Variants in NOL10 observed in about 807,000 individuals in gnomAD.
NOL10 encodes the protein nucleolar protein 10, also known as H_NH0074G24.1.
Under a neutral mutation model 103.5 loss-of-function variants are expected in NOL10, and 58 were observed. The ratio of observed to expected loss-of-function variants is 0.56; its 90% CI spans 0.45 to 0.70. The LOEUF (loss-of-function observed/expected upper bound fraction) is 0.70. Among genes scored for constraint, NOL10 ranks in the 30% least tolerant of loss-of-function variants. The pLI is 0.00. For missense variants in NOL10, 763 were observed against 807.3 expected, an observed-to-expected ratio of 0.95 and a Z score of 0.67; for synonymous variants, 287 against 282.5, an observed-to-expected ratio of 1.02 and a Z score of -0.16.
intron 20 of NOL10, among the ~76,000 whole-genome samples, chr2:10,573,063 C>A (rs1166436247): frequency 9.6e-5 from 14 of 145,638 alleles, no homozygotes; most frequent in African/African-American, 1.3e-4. Context: ...AGGTAAAGCT[C>A]AAAAAAAAAA....
chr2:10,664,232 A>G (rs566726737), intron 8 of NOL10, among the ~76,000 whole-genome samples: 1 of 152,054 alleles, frequency 6.6e-6, no homozygotes, highest in Admixed American at 6.5e-5. Flanking sequence ...GGAGTTCGAG[A>G]CCAGCCTGGC....
chr2:10,675,920 C>A, intron 3 of NOL10, 49 bp from the exon 4 acceptor site: 1 of 962,724 alleles, frequency 1.0e-6, no homozygotes, highest in South Asian at 1.6e-5. Flanking sequence ...CTTTCATAGT[C>A]AAAACATCCA....
chr2:10,653,210 A>C (rs918346143), intron 12 of NOL10, among the ~76,000 whole-genome samples: 2 of 151,530 alleles, frequency 1.3e-5, no homozygotes, highest in African/African-American at 4.9e-5. Flanking sequence ...AAAAAAAAAA[A>C]CCACACATTT....
chr2:10,639,406 A>C (rs554206077), intron 13 of NOL10, among the ~76,000 whole-genome samples: 237 of 152,274 alleles, frequency 1.6e-3, no homozygotes, highest in Non-Finnish European at 2.9e-3. Flanking sequence ...TGGGCGACAG[A>C]GCGAGACTCC....
chr2:10,577,012 A>C (rs1572220392), intron 20 of NOL10, among the ~76,000 whole-genome samples: 1 of 152,192 alleles, frequency 6.6e-6, no homozygotes, highest in East Asian at 1.9e-4. Flanking sequence ...GAGAAATAAA[A>C]CTGTATCCAG....
intron 1 of NOL10, 76 bp downstream of exon 1, chr2:10,689,720 G>A: frequency 2.1e-6 from 3 of 1,414,446 alleles, no homozygotes; most frequent in South Asian, 1.2e-5. Flanking sequence ...GGCTAGGGCC[G>A]AGGAGAGGGG....
rs191599475 is a variant in NOL10, at chr2:10,630,823, C to T, written c.1026+13497G>A. Among the ~76,000 whole-genome samples the T allele has an allele frequency of 7.2e-5, 11 of 152,308 alleles. No individual in the cohort carries two copies. In the East Asian group the frequency reaches 2.1e-3, roughly 29 times the overall value. ...CTTCTAGCTCTGATGGTCTATGCTC[C>T]AAAGCTTCCCCTTTCCTTTAAAGCA... On this transcript the variant is annotated intron_variant, in intron 13 of 20. Transcript: ENST00000381685.
chr2:10,670,997 C>T (rs1357612572), intron 6 of NOL10, among the ~76,000 whole-genome samples: 1 of 152,196 alleles, frequency 6.6e-6, no homozygotes, highest in South Asian at 2.1e-4. Context: ...TCATTTCATG[C>T]AAATCAAATT....
intron 3 of NOL10, 110 bp downstream of exon 3, chr2:10,681,843 TTTTCAATATTTCTGTGTG>T (rs1681784890): frequency 2.5e-6 from 1 of 405,164 alleles, no homozygotes; most frequent in African/African-American, 2.1e-5. Flanking sequence ...CTATACAATT[TTTTCAATATTTCTGTGTG>T]TTTGAAATTT....
intron 13 of NOL10, among the ~76,000 whole-genome samples, chr2:10,633,362 T>C (rs1677964307): frequency 6.6e-6 from 1 of 151,924 alleles, no homozygotes; most frequent in African/African-American, 2.4e-5. Context: ...GGCTCTAATT[T>C]TAAATTTCTT....
intron 20 of NOL10, among the ~76,000 whole-genome samples, chr2:10,576,692 G>A (rs1355062994): frequency 6.6e-6 from 1 of 152,202 alleles, no homozygotes; most frequent in Non-Finnish European, 1.5e-5. Context: ...GTAGATTAGT[G>A]GTTGCCAGGG....
intron 9 of NOL10, among the ~76,000 whole-genome samples, chr2:10,660,138 G>A (rs901050230): frequency 1.3e-5 from 2 of 152,152 alleles, no homozygotes; most frequent in Non-Finnish European, 2.9e-5. Context: ...GCTGTTGGCT[G>A]TCGGCATCAT....
At chr2:10,611,328 C>T (rs370589864) in intron 13 of NOL10, among the ~76,000 whole-genome samples, 2 of 152,192 alleles carry the variant, frequency 1.3e-5, no homozygotes, top group Non-Finnish European at 2.9e-5. Context: ...TCTACTTGAG[C>T]GGAAGAACCA....
At chr2:10,646,986 A>G (rs1422054270) in intron 12 of NOL10, among the ~76,000 whole-genome samples, 1 of 152,252 alleles carries the variant, frequency 6.6e-6, no homozygotes, top group African/African-American at 2.4e-5. Flanking sequence ...CACAGAATTA[A>G]TATGGTTTCA....
intron 13 of NOL10, among the ~76,000 whole-genome samples, chr2:10,608,072 G>T (rs1676353101): frequency 6.6e-6 from 1 of 152,076 alleles, no homozygotes; most frequent in South Asian, 2.1e-4. Context: ...ACTACGTGAG[G>T]TGATGCAAAT....
intron 12 of NOL10, among the ~76,000 whole-genome samples, chr2:10,651,310 T>C (rs994901117): frequency 5.9e-5 from 9 of 152,132 alleles, no homozygotes; most frequent in African/African-American, 2.2e-4. Context: ...TACTAAACCT[T>C]ACCAGCATCC....
intron 20 of NOL10, among the ~76,000 whole-genome samples, chr2:10,574,396 C>A (rs143240245): frequency 5.9e-5 from 9 of 152,092 alleles, no homozygotes; most frequent in African/African-American, 1.9e-4. Flanking sequence ...ACCTGTAATC[C>A]CAGCACTTTG....
At chr2:10,682,339 T>G (rs1681827322) in intron 2 of NOL10, among the ~76,000 whole-genome samples, 1 of 152,160 alleles carries the variant, frequency 6.6e-6, no homozygotes, top group Admixed American at 6.6e-5. Context: ...AAAAAAAATT[T>G]TCCACAACAG....
At chr2:10,644,217 C>A in intron 13 of NOL10, 103 bp downstream of exon 13, 1 of 814,806 alleles carries the variant, frequency 1.2e-6, no homozygotes, top group East Asian at 3.1e-5. Flanking sequence ...CACTGCACCC[C>A]AGCATCGGTG....
Sources: gnomAD v4.1 joint callset for allele counts (sites outside exome capture counted in the v4.1 genomes callset) on GRCh38, gnomAD v4.1.1 for gene constraint, MANE v1.5 for transcripts, NCBI Gene and HGNC (gene_info 2026-07-23, HGNC 2026-07-21) for gene names.